CTR9: variants seen among roughly 807,000 people sequenced by gnomAD.
CTR9 encodes the protein RNA polymerase-associated protein CTR9 homolog.
A neutral mutation model predicts 152.1 loss-of-function variants in CTR9; 41 were observed. The ratio of observed to expected loss-of-function variants is 0.27; its 90% CI spans 0.21 to 0.35. The LOEUF (loss-of-function observed/expected upper bound fraction) is 0.35, where lower values mean the gene tolerates loss of function less well. Among genes scored for constraint, CTR9 ranks in the 10% least tolerant of loss-of-function variants. CTR9 has a pLI of 1.00. For missense variants in CTR9, 917 were observed against 1,424.4 expected (o/e 0.64, Z 5.73); for synonymous variants, 476 against 496.2 (o/e 0.96, Z 0.54).
intron 6 of CTR9, among the ~76,000 whole-genome samples, chr11:10,760,978 C>T (rs1012179629): frequency 2.0e-5 from 3 of 152,128 alleles, no homozygotes; most frequent in African/African-American, 7.2e-5. Context: ...TAGAGAAGCC[C>T]TGTCTTATAT....
chr11:10,768,586 A>G, intron 16 of CTR9, 95 bp downstream of exon 16: 1 of 1,205,524 alleles, frequency 8.3e-7, no homozygotes, highest in Middle Eastern at 2.3e-4. Flanking sequence ...GCTGCATGCT[A>G]TCTCTTGTGA....
At chr11:10,761,316 T>C (rs1010283020) in intron 6 of CTR9, among the ~76,000 whole-genome samples, 1 of 152,186 alleles carries the variant, frequency 6.6e-6, no homozygotes, top group Admixed American at 6.5e-5. Context: ...AAGGGAACTT[T>C]CCTTCCTAAA....
At chr11:10,760,772 G>A (rs1332547183) in intron 6 of CTR9, among the ~76,000 whole-genome samples, 1 of 152,108 alleles carries the variant, frequency 6.6e-6, no homozygotes, top group East Asian at 1.9e-4. Flanking sequence ...AGTTGTCAAA[G>A]GTCTCAAATT....
intron 24 of CTR9, among the ~76,000 whole-genome samples, chr11:10,776,438 TC>T (rs1266298496): frequency 1.3e-5 from 2 of 152,210 alleles, no homozygotes; most frequent in African/African-American, 4.8e-5. Flanking sequence ...ATTTTATTTG[TC>T]CTAAACTTGC....
At chr11:10,778,624 C>G (rs558504248) in intron 24 of CTR9, 55 bp from the exon 25 acceptor site, 2 of 1,535,950 alleles carry the variant, frequency 1.3e-6, no homozygotes, top group African/African-American at 1.4e-5. Flanking sequence ...GTCTGCTCAT[C>G]AAGGCCCCAG....
chr11:10,763,919 C>T (rs1863017679), intron 9 of CTR9, 40 bp downstream of exon 9: 4 of 1,494,564 alleles, frequency 2.7e-6, no homozygotes, highest in Middle Eastern at 1.8e-4. Flanking sequence ...TTTCTGTTAG[C>T]TGTCCCAAAA....
chr11:10,762,626 A>G (rs1862995532), intron 7 of CTR9, among the ~76,000 whole-genome samples: 1 of 152,226 alleles, frequency 6.6e-6, no homozygotes, highest in African/African-American at 2.4e-5. Flanking sequence ...GGAGTCACTG[A>G]CATTTTTATT....
intron 5 of CTR9, among the ~76,000 whole-genome samples, chr11:10,757,581 GA>G (rs1200011338): frequency 3.3e-5 from 5 of 151,174 alleles, no homozygotes; most frequent in Admixed American, 1.3e-4. Context: ...CCTGTCTCAA[GA>G]AAAAAAAAGT....
Position 10,763,900 on chromosome 11 carries a change from C to G in CTR9, c.1194+21C>G. 2.6e-6 allele frequency: 4 copies of G among 1,555,620 alleles called. No individual in the cohort carries two copies. In the South Asian group the frequency reaches 4.7e-5, roughly 18 times the overall value. Reference sequence around the variant, plus strand: ...CCAAGGTACATCTTTTTTTTAAAGTCTTAGCTGTTTTCTGTTAGCTGTCCC... The same window carrying G: ...CCAAGGTACATCTTTTTTTTAAAGTGTTAGCTGTTTTCTGTTAGCTGTCCC... On this transcript the variant is annotated intron_variant, in intron 9 of 24. Coordinates refer to ENST00000361367, the MANE Select transcript of CTR9 (RefSeq NM_014633.5).
chr11:10,764,330 C>T lies in CTR9; in HGVS notation c.1307C>T (p.Thr436Ile). 1 of 1,614,104 alleles carries T rather than the reference C, an allele frequency of 6.2e-7. No homozygotes were observed. Among genetic ancestry groups the T allele is most frequent in the Non-Finnish European group, 8.5e-7 (1 of 1,179,994 alleles). Reference protein sequence around the residue: ...DIQGALSAYGTATRILQEKVQ... With the variant: ...DIQGALSAYGIATRILQEKVQ... ...CAGGGTGCCCTTTCAGCCTATGGAA[C>T]AGCAACACGAATCCTTCAGGAGAAA... Residue 436 changes from threonine (T) to isoleucine (I), a missense_variant, in exon 11 of 25, where the codon ACA becomes ATA. By Grantham distance (89) the Thr-to-Ile change is moderately conservative. Around this residue, in one of 9 missense-constraint regions of CTR9, gnomAD observed 133 missense variants for 244.1 expected, o/e 0.54. Coordinates refer to ENST00000361367, the MANE Select transcript of CTR9 (RefSeq NM_014633.5).
chr11:10,766,037 G>A lies in CTR9; in HGVS notation c.1598-365G>A, dbSNP rs559825327. On this transcript the variant is annotated intron_variant, in intron 12 of 24. Coordinates refer to ENST00000361367, the MANE Select transcript of CTR9 (RefSeq NM_014633.5). ...TTCATCAGACTTTCACTGTTTTGCC[G>A]TATTACAAGCAGCTTTTTTTAAAAA... 3.3e-5 allele frequency among the ~76,000 whole-genome samples: 5 copies of A among 152,198 alleles called. No individual in the cohort carries two copies. The East Asian group carries it at 7.7e-4, about 23-fold the overall frequency.
At chr11:10,772,359 A>G (rs1863156473) in intron 19 of CTR9, 161 bp from the exon 20 acceptor site, 1 of 574,526 alleles carries the variant, frequency 1.7e-6, no homozygotes, top group African/African-American at 1.9e-5. Flanking sequence ...TGTCTCTTAA[A>G]CAAAAAAGGA....
At chr11:10,762,090 T>G (rs566772038) in intron 7 of CTR9, 36 bp downstream of exon 7, 420 of 1,204,110 alleles carry the variant, frequency 3.5e-4, no homozygotes, top group Non-Finnish European at 4.8e-4. Flanking sequence ...TGATTTTTGT[T>G]TTTCTGTACT....
intron 16 of CTR9, 77 bp from the exon 17 acceptor site, chr11:10,770,133 C>T: frequency 9.9e-7 from 1 of 1,011,388 alleles, no homozygotes; most frequent in Non-Finnish European, 1.5e-6. Flanking sequence ...TTTAAAATTG[C>T]AATGCCATTT....
rs1564967304 is a variant in CTR9, at chr11:10,761,992, A to G, written c.787A>G (p.Thr263Ala). 3 of 1,611,394 alleles carry G rather than the reference A, an allele frequency of 1.9e-6. No individual in the cohort carries two copies. The highest frequency in any genetic ancestry group is 2.5e-6 in the Non-Finnish European group (3 of 1,178,980). Residue 263 changes from threonine (T) to alanine (A), a missense_variant, in exon 7 of 25, where the codon ACT becomes GCT. By Grantham distance (58) the Thr-to-Ala change is moderately conservative. Transcript: ENST00000361367. The part of the protein sequence containing the change: ...NGVQLLSRAY[T>A]IDPSNPMVLN... ...TGTCCAGCTTCTTTCCAGAGCCTAT[A>G]CTATTGATCCTAGCAACCCTATGGT...
chr11:10,751,381 G>A lies in CTR9; in HGVS notation c.-32G>A. ...GAGACTACCGGCTGCGGAGCGGCGG[G>A]GCGAGACACTTGCTCGCCTTTTGAC... On this transcript the variant is annotated 5_prime_UTR_variant, in exon 1 of 25. Coordinates refer to ENST00000361367, the MANE Select transcript of CTR9 (RefSeq NM_014633.5). The A allele has an allele frequency of 1.2e-6, 2 of 1,605,466 alleles. No homozygotes were observed. The highest frequency in any genetic ancestry group is 1.1e-5 in the South Asian group (1 of 90,266).
chr11:10,751,419 C>G lies in CTR9; in HGVS notation c.7C>G (p.Arg3Gly). 1 of 1,613,470 alleles carries G rather than the reference C, an allele frequency of 6.2e-7. No homozygotes were observed. Among genetic ancestry groups the G allele is most frequent in the Non-Finnish European group, 8.5e-7 (1 of 1,179,966 alleles). The change falls in exon 1 of 25, where the codon CGG (arginine) becomes GGG (glycine). Residue 3 changes from arginine to glycine, a missense_variant. Transcript: ENST00000361367. MS[R>G]GSIEIPLRDT... is the part of the protein sequence containing the mutation. Reference sequence around the variant, plus strand: ...CTCGCCTTTTGACCCCATCATGTCGCGGGGCTCCATCGAGATTCCCCTCCG... The same window carrying G: ...CTCGCCTTTTGACCCCATCATGTCGGGGGGCTCCATCGAGATTCCCCTCCG...
In CTR9 at chr11:10,770,212, T is replaced by C. The variant is rs747293507; in HGVS notation, c.2112T>C (p.Tyr704=). 3.7e-6 allele frequency: 6 copies of C among 1,604,390 alleles called. No homozygotes were observed. The highest frequency in any genetic ancestry group is 5.1e-6 in the Non-Finnish European group (6 of 1,176,794). ...QKQYISAVQM[Y]ENCLRKFYKH... ...TTAACTTTTTTCTTTTACTGTAGTA[T>C]GAAAACTGCCTCCGAAAGTTCTATA... The change falls in exon 17 of 25, where the codon TAT becomes TAC. Residue 704 remains tyrosine, a splice_region_variant and synonymous_variant. Coordinates refer to ENST00000361367, the MANE Select transcript of CTR9 (RefSeq NM_014633.5).
chr11:10,772,574 A>G lies in CTR9; in HGVS notation c.2499A>G (p.Lys833=). 6.2e-7 allele frequency: 1 copy of G among 1,612,040 alleles called. No individual in the cohort carries two copies. The highest frequency in any genetic ancestry group is 8.5e-7 in the Non-Finnish European group (1 of 1,179,114). Residue 833 remains lysine (K), a synonymous_variant, in exon 20 of 25, where the codon AAA becomes AAG. Coordinates refer to ENST00000361367, the MANE Select transcript of CTR9 (RefSeq NM_014633.5). Reference sequence around the variant, plus strand: ...AGTACCATGTGGCCCGGGCACGCAAACAAGATGAAGAAGAGCGGGAGCTGC... The same window carrying G: ...AGTACCATGTGGCCCGGGCACGCAAGCAAGATGAAGAAGAGCGGGAGCTGC... ...QAQYHVARAR[K]QDEEERELRA...
Sources: allele counts gnomAD v4.1 joint callset (sites outside exome capture counted in the v4.1 genomes callset), GRCh38; gene constraint gnomAD v4.1.1; regional missense constraint gnomAD v4.1.1; transcripts MANE v1.5; gene names NCBI Gene and HGNC (gene_info 2026-07-23, HGNC 2026-07-21).